Variants in BRD8 observed in about 807,000 individuals in gnomAD.
BRD8 encodes the protein bromodomain containing 8, also known as bromodomain-containing protein 8.
BRD8 carries 67 observed loss-of-function variants against 143.1 expected under a neutral mutation model. The observed-to-expected ratio is 0.47, with a 90% CI of 0.38 to 0.57. The LOEUF is 0.57. Among genes scored for constraint, BRD8 ranks in the 20% least tolerant of loss-of-function variants. The probability of loss-of-function intolerance (pLI) is 0.00; values close to 1 mark genes in which losing one functional copy is unlikely to be tolerated. For missense variants in BRD8, 1,103 were observed against 1,503.0 expected (o/e 0.73, Z 4.40); for synonymous variants, 505 against 517.1 (o/e 0.98, Z 0.32).
intron 14 of BRD8, chr5:138,163,701 C>T: frequency 8.5e-7 from 1 of 1,178,776 alleles, no homozygotes; most frequent in Non-Finnish European, 1.1e-6. Context: ...ATGGAGCAAG[C>T]TCACATCACA....
At chr5:138,172,847 AC>A in intron 2 of BRD8, 3 of 335,418 alleles carry the variant, frequency 8.9e-6, no homozygotes, top group East Asian at 1.1e-4. Context: ...GAGTAAGACC[AC>A]CCCCTCCGCC....
Position 138,166,625 on chromosome 5 carries a change from A to G in BRD8, c.890T>C (p.Val297Ala), listed in dbSNP as rs753903402. Reference sequence around the variant, plus strand: ...GGACACAGACTCTACAGGGGGTGGCACAAGTTTAACTGGAGGCTCACTGGC... The same window carrying G: ...GGACACAGACTCTACAGGGGGTGGCGCAAGTTTAACTGGAGGCTCACTGGC... The part of the protein sequence containing the change: ...TVASEPPVKL[V>A]PPPVESVSQA... Residue 297 changes from valine to alanine, a missense_variant, in exon 10 of 27, where the codon GTG becomes GCG. Around this residue, in one of 7 missense-constraint regions of BRD8, gnomAD observed 334 missense variants for 372.5 expected, o/e 0.90. Coordinates refer to ENST00000254900, the MANE Select transcript of BRD8 (RefSeq NM_139199.2). 6.2e-7 allele frequency: 1 copy of G among 1,613,722 alleles called. No individual in the cohort carries two copies. The highest frequency in any genetic ancestry group is 8.5e-7 in the Non-Finnish European group (1 of 1,179,606).
At chr5:138,165,246 G>T in intron 11 of BRD8, 80 bp from the exon 12 acceptor site, 1 of 1,433,520 alleles carries the variant, frequency 7.0e-7, no homozygotes, top group East Asian at 2.4e-5. Context: ...CAAATGTGAT[G>T]GCTTGAATCT....
chr5:138,172,192 C>T, intron 2 of BRD8, 58 bp from the exon 3 acceptor site: 1 of 1,378,928 alleles, frequency 7.3e-7, no homozygotes, highest in African/African-American at 1.4e-5. Flanking sequence ...GAGAGGTATG[C>T]TGAGAGTGCA....
intron 25 of BRD8, 37 bp from the exon 26 acceptor site, chr5:138,140,919 C>T (rs1426140911): frequency 1.9e-6 from 3 of 1,607,230 alleles, no homozygotes; most frequent in South Asian, 1.1e-5. Flanking sequence ...AAAATCAAAC[C>T]TTCATGTGGA....
At chr5:138,163,586 C>T in intron 14 of BRD8, 2 of 1,456,076 alleles carry the variant, frequency 1.4e-6, no homozygotes, top group East Asian at 3.0e-5. Flanking sequence ...AAGCTACTTA[C>T]TTAAGACTAA....
chr5:138,176,178 G>A (rs573013875), intron 2 of BRD8, among the ~76,000 whole-genome samples: 1 of 152,014 alleles, frequency 6.6e-6, no homozygotes, highest in Non-Finnish European at 1.5e-5. Flanking sequence ...ATTGATACAT[G>A]CTACATAAGA....
At chr5:138,159,745 A>C (rs1752858541) in intron 19 of BRD8, 146 bp from the exon 20 acceptor site, 1 of 770,460 alleles carries the variant, frequency 1.3e-6, no homozygotes, top group Non-Finnish European at 2.2e-6. Flanking sequence ...ATCCAAAAGC[A>C]ATCTGTCCAT....
chr5:138,161,407 C>T (rs1439447777), intron 17 of BRD8, among the ~76,000 whole-genome samples: 2 of 152,038 alleles, frequency 1.3e-5, no homozygotes, highest in Admixed American at 6.6e-5. Flanking sequence ...CTCGAACTTC[C>T]AGGCTCAAGC....
At chr5:138,157,076 T>C in intron 20 of BRD8, 1 of 1,536,606 alleles carries the variant, frequency 6.5e-7, no homozygotes, top group Non-Finnish European at 8.7e-7. Flanking sequence ...AGAGAGATTT[T>C]CCAGCTCATG....
chr5:138,171,247 A>G (rs1419650392), intron 4 of BRD8, 87 bp from the exon 5 acceptor site: 10 of 1,429,016 alleles, frequency 7.0e-6, no homozygotes, highest in Non-Finnish European at 9.8e-6. Flanking sequence ...TTAATCATAG[A>G]TAACTTCTGC....
At position 138,164,142 on chromosome 5, in the gene BRD8, G is replaced by A. The variant is rs1753216430; in HGVS notation, c.1826-9C>T. Reference sequence around the variant, plus strand: ...TTCTTCTTTCAATGAGTCTGCAGAGGAGAGAAAGACTACCTGAAGATTTTT... The same window carrying A: ...TTCTTCTTTCAATGAGTCTGCAGAGAAGAGAAAGACTACCTGAAGATTTTT... On this transcript the variant is annotated splice_polypyrimidine_tract_variant and intron_variant, in intron 13 of 26. Coordinates refer to ENST00000254900, the MANE Select transcript of BRD8 (RefSeq NM_139199.2). 1 of 1,613,864 alleles carries A rather than the reference G, an allele frequency of 6.2e-7. No homozygotes were observed. The highest frequency in any genetic ancestry group is 2.2e-5 in the East Asian group (1 of 44,884).
chr5:138,154,587 T>C (rs1752498929), intron 20 of BRD8, among the ~76,000 whole-genome samples: 1 of 152,198 alleles, frequency 6.6e-6, no homozygotes, highest in Non-Finnish European at 1.5e-5. Flanking sequence ...ACTCCTGGAC[T>C]AATTGAATAC....
At chr5:138,174,667 C>T (rs1259682416) in intron 2 of BRD8, among the ~76,000 whole-genome samples, 3 of 151,746 alleles carry the variant, frequency 2.0e-5, no homozygotes, top group East Asian at 1.9e-4. Context: ...AGAGATGTGA[C>T]TTTTCTTACC....
chr5:138,168,268 G>A (rs553566093), intron 8 of BRD8, among the ~76,000 whole-genome samples, 190 bp from the exon 9 acceptor site: 2 of 152,300 alleles, frequency 1.3e-5, no homozygotes, highest in African/African-American at 4.8e-5. Flanking sequence ...CTCTGGAGAA[G>A]AGAACCAAAA....
At chr5:138,173,403 A>C (rs1754051655) in intron 2 of BRD8, among the ~76,000 whole-genome samples, 1 of 152,194 alleles carries the variant, frequency 6.6e-6, no homozygotes, top group South Asian at 2.1e-4. Flanking sequence ...ATCTCAAAAA[A>C]AAAAAAAGAT....
intron 21 of BRD8, 79 bp downstream of exon 21, chr5:138,152,403 T>C: frequency 6.5e-7 from 1 of 1,540,984 alleles, no homozygotes; most frequent in East Asian, 2.3e-5. Flanking sequence ...ATATTAAGAG[T>C]GGTAGAAGCA....
intron 25 of BRD8, among the ~76,000 whole-genome samples, chr5:138,142,538 G>A (rs1323614637): frequency 6.6e-6 from 1 of 152,060 alleles, no homozygotes; most frequent in Non-Finnish European, 1.5e-5. Context: ...GCCGAGGCAG[G>A]CGGATCACGA....
intron 20 of BRD8, among the ~76,000 whole-genome samples, chr5:138,153,903 T>G (rs1293189870): frequency 1.3e-5 from 2 of 152,112 alleles, no homozygotes; most frequent in African/African-American, 4.8e-5. Flanking sequence ...CTTGAACTTC[T>G]GACCTCAGGG....
Sources: gnomAD v4.1 joint callset for allele counts (sites outside exome capture counted in the v4.1 genomes callset) on GRCh38, gnomAD v4.1.1 for gene constraint, gnomAD v4.1.1 regional missense constraint, MANE v1.5 for transcripts, NCBI Gene and HGNC (gene_info 2026-07-23, HGNC 2026-07-21) for gene names.